Variants in F12 observed in about 807,000 individuals in gnomAD.
The protein encoded by F12 is Hageman factor.
Under a neutral mutation model 74.8 loss-of-function variants are expected in F12, and 70 were observed. The ratio of observed to expected loss-of-function variants is 0.94; its 90% CI spans 0.77 to 1.14. The LOEUF (loss-of-function observed/expected upper bound fraction) is 1.14. Among genes scored for constraint, F12 ranks in the 50% most tolerant of loss-of-function variants. The pLI, the probability that F12 is intolerant of heterozygous loss-of-function variation, is 0.00. For synonymous variants in F12, 373 were observed against 356.4 expected (o/e 1.05, Z -0.52); for missense variants, 811 against 835.7 (o/e 0.97, Z 0.36).
chr5:177,402,252 T>C lies in F12; in HGVS notation c.*40A>G, dbSNP rs772047275. Reference sequence around the variant, plus strand: ...TTCCATGCCCCAGCCACTCTCTCACTGCGGAATCACCAAGGAGGGAAAGAT... The same window carrying C: ...TTCCATGCCCCAGCCACTCTCTCACCGCGGAATCACCAAGGAGGGAAAGAT... On this transcript the variant is annotated 3_prime_UTR_variant, in exon 14 of 14. Transcript: ENST00000253496. 15 of 1,610,456 alleles carry C rather than the reference T, an allele frequency of 9.3e-6. No individual in the cohort carries two copies. The highest frequency in any genetic ancestry group is 1.7e-5 in the Admixed American group (1 of 59,834).
In F12 at chr5:177,402,435, A is replaced by G; in HGVS notation, c.1705T>C (p.Cys569Arg). Residue 569 changes from cysteine (C) to arginine (R), a missense_variant, in exon 14 of 14, where the codon TGT becomes CGT. By Grantham distance (180) the Cys-to-Arg change is radical. Coordinates refer to ENST00000253496, the MANE Select transcript of F12 (RefSeq NM_000505.4). ...CGGCGCTCTGCAGCTTGGTCCTCACACACCAGCGGGCCTCCGGAATCACCC... is the reference window on the plus strand; with the variant it reads ...CGGCGCTCTGCAGCTTGGTCCTCACGCACCAGCGGGCCTCCGGAATCACCC... ...CQGDSGGPLV[C>R]EDQAAERRLT... The G allele has an allele frequency of 6.2e-7, 1 of 1,610,498 alleles. No individual in the cohort carries two copies. The highest frequency in any genetic ancestry group is 8.5e-7 in the Non-Finnish European group (1 of 1,178,674).
rs754472560 is a variant in F12 at position 177,402,598 on chromosome 5, G to C, written c.1632C>G (p.Pro544=). 1.9e-6 allele frequency: 3 copies of C among 1,613,156 alleles called. No homozygotes were observed. Among genetic ancestry groups the C allele is most frequent in the South Asian group, 1.1e-5 (1 of 91,048 alleles). Residue 544 remains proline, a synonymous_variant, in exon 13 of 14, where the codon CCC becomes CCG. Coordinates refer to ENST00000253496, the MANE Select transcript of F12 (RefSeq NM_000505.4). ...APDVHGSSIL[P]GMLCAGFLEG... is the part of the protein sequence containing the mutation. The stretch of plus-strand genomic sequence containing the variant: ...CGAGGAACCCTGCGCAGAGCATGCC[G>C]GGGAGGATGGAGGATCCGTGCACGT...
Position 177,403,503 on chromosome 5 carries a change from G to A in F12, c.1365C>T (p.Pro455=), listed in dbSNP as rs948814716. 5 of 1,571,194 alleles carry A rather than the reference G, an allele frequency of 3.2e-6. No homozygotes were observed. In the Admixed American group the frequency reaches 7.4e-5, roughly 23 times the overall value. The part of the protein sequence containing the change: ...RSYRLHEAFS[P]VSYQHDLALL... ...CACCCAGGTCGTGCTGGTAGCTGAC[G>A]GGCGAGAAGGCCTCGTGCAAGCGGT... Residue 455 remains proline (P), a synonymous_variant, in exon 11 of 14, where the codon CCC becomes CCT. Transcript: ENST00000253496.
Position 177,404,826 on chromosome 5 carries a change from T to C in F12, c.618A>G (p.Gly206=), listed in dbSNP as rs1763246114. 4 of 1,607,356 alleles carry C rather than the reference T, an allele frequency of 2.5e-6. No homozygotes were observed. Among genetic ancestry groups the C allele is most frequent in the Admixed American group, 3.4e-5 (2 of 59,460 alleles). ...CTCACTCACCCACGTCGCAGAAGGC[T>C]CCGGTGTAGCCCACCGGGCAGTGGC... The part of the protein sequence containing the change: ...RLCHCPVGYT[G]AFCDVDTKAS... Residue 206 remains glycine (G), a synonymous_variant, in exon 7 of 14, where the codon GGA becomes GGG. Coordinates refer to ENST00000253496, the MANE Select transcript of F12 (RefSeq NM_000505.4).
intron 2 of F12, among the ~76,000 whole-genome samples, chr5:177,407,982 A>G (rs1000017177): frequency 2.0e-5 from 3 of 151,648 alleles, no homozygotes; most frequent in African/African-American, 7.3e-5. Flanking sequence ...TAGAGACTCA[A>G]CCCCACCAAG....
At chr5:177,408,129 C>G (rs1037905302) in intron 2 of F12, among the ~76,000 whole-genome samples, 3 of 150,436 alleles carry the variant, frequency 2.0e-5, no homozygotes, top group Non-Finnish European at 2.9e-5. Flanking sequence ...GATCTTCGTT[C>G]ACTGCAACCT....
At chr5:177,408,079 G>A (rs577635876) in intron 2 of F12, among the ~76,000 whole-genome samples, 1 of 149,396 alleles carries the variant, frequency 6.7e-6, no homozygotes. Context: ...TTTTTGAGAC[G>A]GAGTCTTGCT....
At chr5:177,405,697 A>C in intron 4 of F12, 38 bp downstream of exon 4, 1 of 1,599,990 alleles carries the variant, frequency 6.3e-7, no homozygotes, top group South Asian at 1.1e-5. Flanking sequence ...AGGCGGGAGG[A>C]GAGAGCCCCA....
At chr5:177,407,425 G>T (rs1443016834) in intron 2 of F12, among the ~76,000 whole-genome samples, 1 of 152,206 alleles carries the variant, frequency 6.6e-6, no homozygotes, top group Admixed American at 6.5e-5. Flanking sequence ...AAGGCAAAGT[G>T]CACTTGCCAA....
intron 3 of F12, 47 bp from the exon 4 acceptor site, chr5:177,405,852 C>T (rs1210425634): frequency 6.2e-7 from 1 of 1,607,366 alleles, no homozygotes; most frequent in South Asian, 1.1e-5. Flanking sequence ...GGGCCTGGCC[C>T]ACCCTGCCCT....
Position 177,402,561 on chromosome 5 carries a change from C to A in F12, c.1669G>T (p.Asp557Tyr). The A allele has an allele frequency of 6.2e-7, 1 of 1,611,692 alleles. No individual in the cohort carries two copies. Among genetic ancestry groups the A allele is most frequent in the Non-Finnish European group, 8.5e-7 (1 of 1,179,348 alleles). ...GGCTAAGAGCTCACCTGGCACGCAT[C>A]GGTGCCGCCCTCGAGGAACCCTGCG... is the stretch of plus-strand genomic sequence containing the variant. ...LCAGFLEGGT[D>Y]ACQGDSGGPL... The change falls in exon 13 of 14, where the codon GAT becomes TAT. Residue 557 changes from aspartate to tyrosine, a missense_variant. Physicochemically the swap from Asp to Tyr is radical, Grantham distance 160 (BLOSUM62 -3). Transcript: ENST00000253496.
chr5:177,402,627 G>A lies in F12; in HGVS notation c.1603C>T (p.Pro535Ser). Residue 535 changes from proline (P) to serine (S), a missense_variant, in exon 13 of 14, where the codon CCG becomes TCG. By Grantham distance (74) the Pro-to-Ser change is moderately conservative. Transcript: ENST00000253496. The part of the protein sequence containing the change: ...PFLSLERCSA[P>S]DVHGSSILPG... ...AGGATGGAGGATCCGTGCACGTCCGGGGCTGAGCAGCGCTCCAGGGAGAGG... is the reference window on the plus strand; with the variant it reads ...AGGATGGAGGATCCGTGCACGTCCGAGGCTGAGCAGCGCTCCAGGGAGAGG... The A allele has an allele frequency of 6.2e-7, 1 of 1,613,146 alleles. No homozygotes were observed. Among genetic ancestry groups the A allele is most frequent in the Non-Finnish European group, 8.5e-7 (1 of 1,180,016 alleles).
chr5:177,404,865 C>T lies in F12; in HGVS notation c.579G>A (p.Glu193=). The change falls in exon 7 of 14, where the codon GAG becomes GAA. Residue 193 remains glutamate (E), a synonymous_variant. Coordinates refer to ENST00000253496, the MANE Select transcript of F12 (RefSeq NM_000505.4). ...CCGGGCAGTGGCACAGGCGGTGGCC[C>T]TCCACCTCTAGGCAGCGACCCCCAT... ...CLHGGRCLEV[E]GHRLCHCPVG... The T allele has an allele frequency of 1.2e-6, 2 of 1,609,788 alleles. No individual in the cohort carries two copies. Among genetic ancestry groups the T allele is most frequent in the South Asian group, 2.2e-5 (2 of 90,728 alleles).
chr5:177,403,794 G>C, intron 10 of F12, 65 bp downstream of exon 10: 1 of 1,460,998 alleles, frequency 6.8e-7, no homozygotes, highest in South Asian at 1.3e-5. Flanking sequence ...GTGCAGCGTG[G>C]AAGCTGCGCT....
chr5:177,403,851 G>T lies in F12; in HGVS notation c.1250+8C>A. ...CCCTGGGGCGGCTCTGGGCGGGCGGGTACTCGCCGGTCCTGCAGGCAGTGA... is the reference window on the plus strand; with the variant it reads ...CCCTGGGGCGGCTCTGGGCGGGCGGTTACTCGCCGGTCCTGCAGGCAGTGA... On this transcript the variant is annotated splice_region_variant and intron_variant, in intron 10 of 13. Transcript: ENST00000253496. 1 of 1,521,210 alleles carries T rather than the reference G, an allele frequency of 6.6e-7. No individual in the cohort carries two copies. The allele number at this position is 1,521,210 out of a possible 1,614,324, so 94.2% of individuals were successfully genotyped here. A position where few individuals can be genotyped will look rare whatever the true frequency, so the allele number is the denominator to read the frequency against.
chr5:177,404,582 C>T lies in F12; in HGVS notation c.717G>A (p.Gln239=). ...ARTTLSGAPC[Q]PWASEATYRN... is the part of the protein sequence containing the mutation. ...GGTAGGTGGCCTCCGAGGCCCACGG[C>T]TGACAGGGCGCACCCGAGAGCGTGG... is the stretch of plus-strand genomic sequence containing the variant. Residue 239 remains glutamine (Q), a synonymous_variant, in exon 8 of 14, where the codon CAG becomes CAA. Coordinates refer to ENST00000253496, the MANE Select transcript of F12 (RefSeq NM_000505.4). 1 of 1,608,438 alleles carries T rather than the reference C, an allele frequency of 6.2e-7. No individual in the cohort carries two copies. The highest frequency in any genetic ancestry group is 1.3e-5 in the African/African-American group (1 of 75,038).
At chr5:177,406,979 T>C (rs1457695339) in intron 2 of F12, among the ~76,000 whole-genome samples, 2 of 152,188 alleles carry the variant, frequency 1.3e-5, no homozygotes, top group Non-Finnish European at 2.9e-5. Context: ...TTGCTGGGGA[T>C]TTGGCTTTTG....
Position 177,403,939 on chromosome 5 carries a change from C to T in F12, c.1170G>A (p.Leu390=). 1.2e-6 allele frequency: 2 copies of T among 1,600,100 alleles called. No homozygotes were observed. Among genetic ancestry groups the T allele is most frequent in the Non-Finnish European group, 1.7e-6 (2 of 1,177,702 alleles). ...CGGCGCAGAAACTGTGGCCCCAGTACAGCGCGGCGATGTAGGGGTGCGCCC... is the reference window on the plus strand; with the variant it reads ...CGGCGCAGAAACTGTGGCCCCAGTATAGCGCGGCGATGTAGGGGTGCGCCC... ...LRGAHPYIAA[L]YWGHSFCAGS... The change falls in exon 10 of 14, where the codon CTG becomes CTA. Residue 390 remains leucine (L), a synonymous_variant. Coordinates refer to ENST00000253496, the MANE Select transcript of F12 (RefSeq NM_000505.4).
intron 2 of F12, among the ~76,000 whole-genome samples, 161 bp downstream of exon 2, chr5:177,408,885 C>T (rs1581661195): frequency 6.6e-6 from 1 of 152,236 alleles, no homozygotes; most frequent in African/African-American, 2.4e-5. Flanking sequence ...ACAGCCCATA[C>T]CCTGCCCTCA....
Sources: allele counts gnomAD v4.1 joint callset (sites outside exome capture counted in the v4.1 genomes callset), GRCh38; gene constraint gnomAD v4.1.1; transcripts MANE v1.5; gene names NCBI Gene and HGNC (gene_info 2026-07-23, HGNC 2026-07-21).